MEX3A: variants seen among roughly 807,000 people sequenced by gnomAD.
The protein encoded by MEX3A is mex-3 RNA binding family member A, also known as RNA-binding protein MEX3A.
MEX3A carries 4 observed loss-of-function variants against 30.0 expected under a neutral mutation model. That is an observed-to-expected ratio of 0.13 (90% CI 0.07 to 0.30). The LOEUF (loss-of-function observed/expected upper bound fraction) is 0.30, where lower values mean the gene tolerates loss of function less well. MEX3A is among the 10% of genes least tolerant of loss of function. MEX3A has a pLI of 1.00. For missense variants in MEX3A, 555 were observed against 736.7 expected (o/e 0.75, Z 2.86); for synonymous variants, 335 against 327.6 (o/e 1.02, Z -0.24).
chr1:156,079,219 TTTG>T (rs1038671343), intron 1 of MEX3A, among the ~76,000 whole-genome samples: 3 of 137,892 alleles, frequency 2.2e-5, no homozygotes, highest in African/African-American at 8.7e-5. Flanking sequence ...ACTTTTTTTG[TTTG>T]TTTTTTTTTG....
At position 156,076,493 on chromosome 1, in the gene MEX3A, C is replaced by A; in HGVS notation, c.*81G>T. 3 of 1,439,472 alleles carry A rather than the reference C, an allele frequency of 2.1e-6. No individual in the cohort carries two copies. In the South Asian group the frequency reaches 4.1e-5, roughly 20 times the overall value. The allele number at this position is 1,439,472 out of a possible 1,614,324, so 89.2% of individuals were successfully genotyped here. ...TCTAAGCACCTTGCCCCTCAAATCACCGCTTTCCAAAAGGCTTTAGTGGAA... is the reference window on the plus strand; with the variant it reads ...TCTAAGCACCTTGCCCCTCAAATCAACGCTTTCCAAAAGGCTTTAGTGGAA... On this transcript the variant is annotated 3_prime_UTR_variant, in exon 2 of 2. Transcript: ENST00000532414. This position sits in a 1 kb window ranked among gnomAD's most constrained non-coding sequence, Gnocchi z 6.0.
Position 156,078,784 on chromosome 1 carries a change from AC to A in MEX3A, c.455-1103del, listed in dbSNP as rs1394153641. On this transcript the variant is annotated intron_variant, in intron 1 of 1. Coordinates refer to ENST00000532414, the MANE Select transcript of MEX3A (RefSeq NM_001093725.2). ...ACACGTCACGTGTGTGAGTTCACAC[AC>A]ATGTACCTAAGAGGTGTGCCTTTAT... 2.0e-5 allele frequency among the ~76,000 whole-genome samples: 3 copies of A among 152,124 alleles called. No individual in the cohort carries two copies. The East Asian group carries it at 5.8e-4, about 29-fold the overall frequency.
At position 156,081,831 on chromosome 1, in the gene MEX3A, G is replaced by T; in HGVS notation, c.168C>A (p.Pro56=). The change falls in exon 1 of 2, where the codon CCC becomes CCA. Residue 56 remains proline, a synonymous_variant. Coordinates refer to ENST00000532414, the MANE Select transcript of MEX3A (RefSeq NM_001093725.2). ...CLLGLGEPPA[P]TAGEDGGGGG... ...CACCTCCCCCGTCCTCGCCCGCCGT[G>T]GGGGCGGGGGGCTCCCCCAAACCCA... 5 of 1,388,290 alleles carry T rather than the reference G, an allele frequency of 3.6e-6. No homozygotes were observed. The highest frequency in any genetic ancestry group is 1.7e-5 in the South Asian group (1 of 59,586). The allele number at this position is 1,388,290 out of a possible 1,614,324, so 86.0% of individuals were successfully genotyped here.
intron 1 of MEX3A, among the ~76,000 whole-genome samples, chr1:156,080,708 C>G (rs940661839): frequency 6.6e-6 from 1 of 151,774 alleles, no homozygotes; most frequent in African/African-American, 2.4e-5. Flanking sequence ...TAATTCTGCA[C>G]CCCCTCCCAA....
Position 156,073,073 on chromosome 1 carries a change from T to C in MEX3A, c.*3501A>G, listed in dbSNP as rs1647961650. ...AGAAGCGTGTGTGCATGTGTGTCTG[T>C]TTGTGGAATGACTTCCCAGGCTCTT... is the stretch of plus-strand genomic sequence containing the variant. On this transcript the variant is annotated 3_prime_UTR_variant, in exon 2 of 2. Transcript: ENST00000532414. The C allele has an allele frequency of 1.3e-5, 2 of 152,628 alleles. No individual in the cohort carries two copies. The highest frequency in any genetic ancestry group is 2.9e-5 in the Non-Finnish European group (2 of 68,040). The allele number at this position is 152,628 out of a possible 1,614,324, so 9.5% of individuals were successfully genotyped here.
In MEX3A at chr1:156,074,259, C is replaced by T. The variant is rs924567888; in HGVS notation, c.*2315G>A. On this transcript the variant is annotated 3_prime_UTR_variant, in exon 2 of 2. Transcript: ENST00000532414. ...AGTTTTTTTATTTTTTTAAGGATCA[C>T]TTTATCATAAAATAAAATATCCTTT... 6.6e-6 allele frequency: 1 copy of T among 151,488 alleles called. No homozygotes were observed. The highest frequency in any genetic ancestry group is 1.5e-5 in the Non-Finnish European group (1 of 67,906). 9.4% of individuals were successfully genotyped at this position (151,488 alleles called of 1,614,324 possible). A position where few individuals can be genotyped will look rare whatever the true frequency, so the allele number is the denominator to read the frequency against.
Position 156,077,014 on chromosome 1 carries a change from C to G in MEX3A, c.1123G>C (p.Val375Leu). Residue 375 changes from valine to leucine, a missense_variant, in exon 2 of 2, where the codon GTG becomes CTG. This residue lies in a region of MEX3A where 281 missense variants were observed against 265.1 expected (regional missense o/e 1.06). Transcript: ENST00000532414. The surrounding 1 kb of genome is among the most constrained non-coding windows in gnomAD (Gnocchi z 8.3). The stretch of plus-strand genomic sequence containing the variant: ...CCGTAGTACACATCCTGCTTGCCCA[C>G]GCCATAGCCCGGAAAGAGGTACCCG... ...YGGYLFPGYGVGKQDVYYGVA... is the reference protein window; with the variant it reads ...YGGYLFPGYGLGKQDVYYGVA... The G allele has an allele frequency of 1.2e-6, 2 of 1,613,602 alleles. No homozygotes were observed. Among genetic ancestry groups the G allele is most frequent in the Non-Finnish European group, 1.7e-6 (2 of 1,179,802 alleles).
rs1188701807 is a variant in MEX3A, at chr1:156,075,635, A to T, written c.*939T>A. The T allele has an allele frequency of 6.5e-6, 1 of 152,768 alleles. No individual in the cohort carries two copies. The highest frequency in any genetic ancestry group is 1.5e-5 in the Non-Finnish European group (1 of 68,090). 9.5% of individuals were successfully genotyped at this position (152,768 alleles called of 1,614,324 possible). ...ATGCCTGAAGAGGAATGGAGGGACC[A>T]TCCAAATATTCCTCCCCCTACTTCT... On this transcript the variant is annotated 3_prime_UTR_variant, in exon 2 of 2. Transcript: ENST00000532414.
At chr1:156,078,262 CCTTCCACTCAGTAGTTTCT>C (rs1553258663) in intron 1 of MEX3A, among the ~76,000 whole-genome samples, 4 of 152,174 alleles carry the variant, frequency 2.6e-5, no homozygotes. Flanking sequence ...GCCCCACATG[CCTTCCACTCAGTAGTTTCT>C]CTCAGTGGGC....
In MEX3A at chr1:156,075,764, CA is replaced by C. The variant is rs1648043287; in HGVS notation, c.*809del. On this transcript the variant is annotated 3_prime_UTR_variant, in exon 2 of 2. Transcript: ENST00000532414. ...ACAAGACAGAGCTGGGAGTGACAGC[CA>C]CCAAAAGAAAGCAAAGCAAAGAGCT... The C allele has an allele frequency of 6.5e-6, 1 of 153,066 alleles. No individual in the cohort carries two copies. Among genetic ancestry groups the C allele is most frequent in the Non-Finnish European group, 1.5e-5 (1 of 68,480 alleles). The allele number at this position is 153,066 out of a possible 1,614,324, so 9.5% of individuals were successfully genotyped here. A position where few individuals can be genotyped will look rare whatever the true frequency, so the allele number is the denominator to read the frequency against.
chr1:156,074,855 G>T lies in MEX3A; in HGVS notation c.*1719C>A, dbSNP rs75319402. ...AGGCTGTGGAGAGGTGTTAATTCTCGACAGGAGGAAGGAGAGGAGGAAATC... is the reference window on the plus strand; with the variant it reads ...AGGCTGTGGAGAGGTGTTAATTCTCTACAGGAGGAAGGAGAGGAGGAAATC... On this transcript the variant is annotated 3_prime_UTR_variant, in exon 2 of 2. Transcript: ENST00000532414. 2 of 152,676 alleles carry T rather than the reference G, an allele frequency of 1.3e-5. No individual in the cohort carries two copies. The highest frequency in any genetic ancestry group is 2.9e-5 in the Non-Finnish European group (2 of 68,016). The allele number at this position is 152,676 out of a possible 1,614,324, so 9.5% of individuals were successfully genotyped here.
At position 156,077,159 on chromosome 1, in the gene MEX3A, G is replaced by A. The variant is rs561442043; in HGVS notation, c.978C>T (p.Pro326=). ...GGAAGGTGGAGAGGGGCTTGCAGCC[G>A]GGCTGGTGCACCCGCCAGGCGTCGG... ...RYSDAWRVHQ[P]GCKPLSTFRQ... Residue 326 remains proline, a synonymous_variant, in exon 2 of 2, where the codon CCC becomes CCT. Transcript: ENST00000532414. This position sits in a 1 kb window ranked among gnomAD's most constrained non-coding sequence, Gnocchi z 8.3. 2.5e-6 allele frequency: 4 copies of A among 1,613,392 alleles called. No homozygotes were observed. Among genetic ancestry groups the A allele is most frequent in the Non-Finnish European group, 2.5e-6 (3 of 1,179,832 alleles).
Position 156,081,928 on chromosome 1 carries a change from C to T in MEX3A, c.71G>A (p.Gly24Glu), listed in dbSNP as rs1419622752. 19 of 1,537,290 alleles carry T rather than the reference C, an allele frequency of 1.2e-5. No homozygotes were observed. The highest frequency in any genetic ancestry group is 1.7e-5 in the Non-Finnish European group (19 of 1,140,450). ...CAGCAGCCCTCGGTCCTTAGCGCTT[C>T]CCCCGAAACATCCTAGTTCTCCAAA... ...GGFGELGCFG[G>E]SAKDRGLLED... The change falls in exon 1 of 2, where the codon GGA becomes GAA. Residue 24 changes from glycine (G) to glutamate (E), a missense_variant. Gly to Glu is a moderately conservative substitution (Grantham distance 98). Coordinates refer to ENST00000532414, the MANE Select transcript of MEX3A (RefSeq NM_001093725.2).
In MEX3A at chr1:156,075,470, A is replaced by T. The variant is rs931132181; in HGVS notation, c.*1104T>A. 1 of 152,668 alleles carries T rather than the reference A, an allele frequency of 6.6e-6. No individual in the cohort carries two copies. The allele number at this position is 152,668 out of a possible 1,614,324, so 9.5% of individuals were successfully genotyped here. A position where few individuals can be genotyped will look rare whatever the true frequency, so the allele number is the denominator to read the frequency against. On this transcript the variant is annotated 3_prime_UTR_variant, in exon 2 of 2. Coordinates refer to ENST00000532414, the MANE Select transcript of MEX3A (RefSeq NM_001093725.2). ...AGCCCAAGAACTACTCCCTAAATAT[A>T]ATGCCCATAGTGATGAAGGTGGGGG...
chr1:156,078,290 G>A (rs1040279243), intron 1 of MEX3A, among the ~76,000 whole-genome samples: 3 of 152,162 alleles, frequency 2.0e-5, no homozygotes, highest in Non-Finnish European at 4.4e-5. Context: ...CTCTCAGTGG[G>A]CCTCAAATTC....
chr1:156,077,265 C>A lies in MEX3A; in HGVS notation c.872G>T (p.Arg291Leu). 6.2e-7 allele frequency: 1 copy of A among 1,613,902 alleles called. No homozygotes were observed. The highest frequency in any genetic ancestry group is 1.1e-5 in the South Asian group (1 of 91,092). The change falls in exon 2 of 2, where the codon CGC becomes CTC. Residue 291 changes from arginine (R) to leucine (L), a missense_variant. Coordinates refer to ENST00000532414, the MANE Select transcript of MEX3A (RefSeq NM_001093725.2). This position sits in a 1 kb window ranked among gnomAD's most constrained non-coding sequence, Gnocchi z 8.3. ...REEIETHIAV[R>L]TGKILEYNNE... ...GTTGTACTCGAGGATCTTGCCAGTGCGCACCGCGATGTGCGTCTCGATCTC... is the reference window on the plus strand; with the variant it reads ...GTTGTACTCGAGGATCTTGCCAGTGAGCACCGCGATGTGCGTCTCGATCTC...
chr1:156,080,830 C>A (rs1648203116), intron 1 of MEX3A, among the ~76,000 whole-genome samples: 2 of 151,982 alleles, frequency 1.3e-5, no homozygotes, highest in African/African-American at 4.8e-5. Context: ...CCTCTCTAGG[C>A]CTCTGGCCCA....
At position 156,081,801 on chromosome 1, in the gene MEX3A, C is replaced by T; in HGVS notation, c.198G>A (p.Gly66=). 4.4e-6 allele frequency: 5 copies of T among 1,144,968 alleles called. No individual in the cohort carries two copies. The highest frequency in any genetic ancestry group is 5.5e-6 in the Non-Finnish European group (5 of 902,328). The allele number at this position is 1,144,968 out of a possible 1,614,324, so 70.9% of individuals were successfully genotyped here. The change falls in exon 1 of 2, where the codon GGG becomes GGA. Residue 66 remains glycine, a synonymous_variant. Transcript: ENST00000532414. ...PTAGEDGGGG[G]GGAPAQPAAP... is the part of the protein sequence containing the mutation. Reference sequence around the variant, plus strand: ...CGGCCGGCTGCGCGGGGGCGCCGCCCCCCCCACCTCCCCCGTCCTCGCCCG... The same window carrying T: ...CGGCCGGCTGCGCGGGGGCGCCGCCTCCCCCACCTCCCCCGTCCTCGCCCG...
Position 156,077,724 on chromosome 1 carries a change from C to T in MEX3A, c.455-42G>A, listed in dbSNP as rs1308968522. ...AAGGAGAGAGACAAAGAAACGCACACAGCAAGGTTTGTGCTGGGACCAATA... is the reference window on the plus strand; with the variant it reads ...AAGGAGAGAGACAAAGAAACGCACATAGCAAGGTTTGTGCTGGGACCAATA... On this transcript the variant is annotated intron_variant, in intron 1 of 1. Coordinates refer to ENST00000532414, the MANE Select transcript of MEX3A (RefSeq NM_001093725.2). This position sits in a 1 kb window ranked among gnomAD's most constrained non-coding sequence, Gnocchi z 8.3. The T allele has an allele frequency of 6.5e-7, 1 of 1,530,448 alleles. No homozygotes were observed. Among genetic ancestry groups the T allele is most frequent in the Non-Finnish European group, 8.7e-7 (1 of 1,144,094 alleles). The allele number at this position is 1,530,448 out of a possible 1,614,324, so 94.8% of individuals were successfully genotyped here.
Sources: gnomAD v4.1 joint callset for allele counts (sites outside exome capture counted in the v4.1 genomes callset) on GRCh38, gnomAD v4.1.1 for gene constraint, gnomAD v4.1.1 regional missense constraint, Gnocchi (gnomAD v3.1) non-coding constraint, MANE v1.5 for transcripts, NCBI Gene and HGNC (gene_info 2026-07-23, HGNC 2026-07-21) for gene names.